The following MAST4 variants were observed in gnomAD, a reference collection of about 807,000 sequenced individuals.
MAST4 encodes the protein microtubule associated serine/threonine kinase family member 4.
A neutral mutation model predicts 162.7 loss-of-function variants in MAST4; 89 were observed. The observed-to-expected ratio is 0.55, with a 90% CI of 0.46 to 0.65. MAST4 has a LOEUF of 0.65. Among genes scored for constraint, MAST4 ranks in the 30% least tolerant of loss-of-function variants. The probability of loss-of-function intolerance (pLI) is 0.00; values close to 1 mark genes in which losing one functional copy is unlikely to be tolerated. For missense variants in MAST4, 3,153 were observed against 3,374.0 expected (o/e 0.93, Z 1.62); for synonymous variants, 1,479 against 1,361.1 (o/e 1.09, Z -1.91).
intron 26 of MAST4, among the ~76,000 whole-genome samples, chr5:67,159,271 C>T (rs929499661): frequency 1.3e-5 from 2 of 151,306 alleles, no homozygotes; most frequent in African/African-American, 4.8e-5. Flanking sequence ...CCTATTTACA[C>T]ATGCGTGAGA....
chr5:67,157,797 G>A (rs1354327153), intron 26 of MAST4, among the ~76,000 whole-genome samples: 3 of 152,166 alleles, frequency 2.0e-5, no homozygotes, highest in Admixed American at 1.3e-4. Flanking sequence ...TTCTTTACCT[G>A]TAAAGGAAGG....
At chr5:66,642,603 C>T (rs1337164772) in intron 1 of MAST4, among the ~76,000 whole-genome samples, 1 of 152,146 alleles carries the variant, frequency 6.6e-6, no homozygotes, top group Non-Finnish European at 1.5e-5. Flanking sequence ...ACAAGAATGA[C>T]TGCCGATTTG....
intron 1 of MAST4, among the ~76,000 whole-genome samples, chr5:66,616,989 G>T (rs1039796627): frequency 2.6e-5 from 4 of 152,180 alleles, no homozygotes; most frequent in African/African-American, 9.7e-5. Context: ...AACTAAAGTG[G>T]TTGAGCCTTG....
At chr5:66,852,244 C>A (rs1316039847) in intron 3 of MAST4, among the ~76,000 whole-genome samples, 1 of 152,172 alleles carries the variant, frequency 6.6e-6, no homozygotes, top group Admixed American at 6.5e-5. Flanking sequence ...ACCTCCCAGG[C>A]TCAGGTGGTC....
At chr5:66,854,984 A>G (rs551203001) in intron 3 of MAST4, among the ~76,000 whole-genome samples, 1 of 152,284 alleles carries the variant, frequency 6.6e-6, no homozygotes, top group African/African-American at 2.4e-5. Context: ...GAGTTCCTTG[A>G]CAACAGAGAC....
intron 3 of MAST4, among the ~76,000 whole-genome samples, chr5:66,816,611 G>A (rs1048874768): frequency 6.6e-6 from 1 of 152,116 alleles, no homozygotes; most frequent in South Asian, 2.1e-4. Context: ...GATGGTTTGA[G>A]GTTGGAGAGA....
intron 1 of MAST4, among the ~76,000 whole-genome samples, chr5:66,756,804 G>A (rs968426110): frequency 2.6e-5 from 4 of 152,154 alleles, no homozygotes; most frequent in African/African-American, 9.7e-5. Context: ...GAGTGTGATC[G>A]GATGTGAAGA....
At chr5:66,608,409 A>G (rs1327432716) in intron 1 of MAST4, among the ~76,000 whole-genome samples, 2 of 119,298 alleles carry the variant, frequency 1.7e-5, no homozygotes, top group Non-Finnish European at 3.2e-5. Context: ...ATTAAGGTCT[A>G]TATATACATT....
intron 1 of MAST4, among the ~76,000 whole-genome samples, chr5:66,605,513 CCCTTTG>C (rs1742827125): frequency 6.6e-6 from 1 of 152,158 alleles, no homozygotes; most frequent in African/African-American, 2.4e-5. Context: ...GTAAGACTGT[CCCTTTG>C]CCTTATATTT....
intron 1 of MAST4, among the ~76,000 whole-genome samples, chr5:66,698,150 G>A (rs1161511155): frequency 6.6e-6 from 1 of 151,736 alleles, no homozygotes; most frequent in African/African-American, 2.4e-5. Flanking sequence ...AAAATCCCTT[G>A]CCTCTCTCTC....
At chr5:66,748,752 T>G (rs567957034) in intron 1 of MAST4, among the ~76,000 whole-genome samples, 32 of 152,048 alleles carry the variant, frequency 2.1e-4, no homozygotes, top group African/African-American at 6.7e-4. Flanking sequence ...CCTCCCAAAG[T>G]GCTGGGATTA....
chr5:66,773,564 G>T (rs1754452946), intron 2 of MAST4, among the ~76,000 whole-genome samples: 1 of 152,270 alleles, frequency 6.6e-6, no homozygotes, highest in Admixed American at 6.5e-5. Context: ...CTAAAATTCG[G>T]GTGTTGCCAG....
Position 66,978,910 on chromosome 5 carries a change from A to G in MAST4, c.675-75494A>G, listed in dbSNP as rs189535554. Among the ~76,000 whole-genome samples the G allele has an allele frequency of 1.9e-3, 283 of 152,284 alleles. 2 individuals carry two copies. The highest frequency in any genetic ancestry group is 6.6e-3 in the African/African-American group (275 of 41,556). On this transcript the variant is annotated intron_variant, in intron 4 of 28. Transcript: ENST00000403625. ...CATGGTAGCTTAGTAAGATTTCTGC[A>G]TAGGAGAAACTTGGTCTGAATAGAG...
chr5:66,773,558 A>ATT (rs1307207239), intron 2 of MAST4, among the ~76,000 whole-genome samples: 1 of 152,166 alleles, frequency 6.6e-6, no homozygotes, highest in Non-Finnish European at 1.5e-5. Context: ...TCCTCTCTAA[A>ATT]ATTCGGGTGT....
At chr5:66,829,270 G>A (rs953076986) in intron 3 of MAST4, among the ~76,000 whole-genome samples, 1 of 152,020 alleles carries the variant, frequency 6.6e-6, no homozygotes, top group African/African-American at 2.4e-5. Flanking sequence ...TTTGTGTCGG[G>A]ATCAACCTCC....
At chr5:66,709,726 A>ATG (rs1347225741) in intron 1 of MAST4, among the ~76,000 whole-genome samples, 1 of 152,216 alleles carries the variant, frequency 6.6e-6, no homozygotes, top group Non-Finnish European at 1.5e-5. Flanking sequence ...AGTTATATAT[A>ATG]AAATACTTAT....
At chr5:66,872,214 G>A (rs1016666618) in intron 3 of MAST4, among the ~76,000 whole-genome samples, 1 of 152,166 alleles carries the variant, frequency 6.6e-6, no homozygotes, top group African/African-American at 2.4e-5. Flanking sequence ...CTGTCACCCA[G>A]GCTGGAGTGC....
intron 4 of MAST4, among the ~76,000 whole-genome samples, chr5:66,973,118 A>G (rs1303591531): frequency 1.3e-5 from 2 of 152,028 alleles, no homozygotes; most frequent in Non-Finnish European, 2.9e-5. Context: ...ACCATTTGAG[A>G]GTAATTTGCA....
At chr5:67,078,919 T>A (rs10057371) in intron 5 of MAST4, among the ~76,000 whole-genome samples, 4,873 of 65,836 alleles carry the variant, frequency 0.074, 603 homozygotes, top group East Asian at 0.32. Flanking sequence ...TAAATATATA[T>A]ATATATATAT....
Sources: allele counts gnomAD v4.1 joint callset (sites outside exome capture counted in the v4.1 genomes callset), GRCh38; gene constraint gnomAD v4.1.1; transcripts MANE v1.5; gene names NCBI Gene and HGNC (gene_info 2026-07-23, HGNC 2026-07-21).